Variants in CARNMT1 observed in about 807,000 individuals in gnomAD.
The protein encoded by CARNMT1 is carnosine N-methyltransferase 1.
In CARNMT1, 28 loss-of-function variants were observed where a neutral mutation model predicts 49.6. That is an observed-to-expected ratio of 0.56 (90% confidence interval 0.42 to 0.77). The LOEUF (loss-of-function observed/expected upper bound fraction) is 0.77. Among genes scored for constraint, CARNMT1 ranks in the 30% least tolerant of loss-of-function variants. The pLI is 0.00. For missense variants in CARNMT1, 421 were observed against 512.6 expected, an observed-to-expected ratio of 0.82 and a Z score of 1.73; for synonymous variants, 178 against 175.0, an observed-to-expected ratio of 1.02 and a Z score of -0.13.
chr9:75,027,270 G>C (rs985211101), intron 1 of CARNMT1: 5 of 551,812 alleles, frequency 9.1e-6, no homozygotes, highest in African/African-American at 6.1e-5. Context: ...TTATGAATGA[G>C]GAGCATAAAG....
intron 7 of CARNMT1, among the ~76,000 whole-genome samples, chr9:74,984,527 G>A (rs908758157): frequency 4.1e-4 from 63 of 152,130 alleles, no homozygotes; most frequent in Non-Finnish European, 5.9e-5. Context: ...TGTTTTGAGC[G>A]CCTACATAAT....
intron 3 of CARNMT1, among the ~76,000 whole-genome samples, chr9:75,007,971 G>A (rs533943516): frequency 4.0e-5 from 6 of 151,492 alleles, no homozygotes; most frequent in African/African-American, 1.5e-4. Context: ...AAGATTGCAG[G>A]GTACAAGATC....
chr9:75,020,680 C>A (rs1822320567), intron 1 of CARNMT1, among the ~76,000 whole-genome samples: 1 of 152,200 alleles, frequency 6.6e-6, no homozygotes, highest in African/African-American at 2.4e-5. Context: ...ATTATTCCAA[C>A]TGCCAAACAG....
chr9:75,021,486 A>ATATATC (rs1554759227), intron 1 of CARNMT1, among the ~76,000 whole-genome samples: 376 of 147,718 alleles, frequency 2.5e-3, no homozygotes, highest in African/African-American at 8.7e-3. Context: ...ATATATATAT[A>ATATATC]TCTACTGTTC....
At chr9:75,003,651 A>G (rs886185558) in intron 3 of CARNMT1, among the ~76,000 whole-genome samples, 2 of 152,252 alleles carry the variant, frequency 1.3e-5, no homozygotes, top group Non-Finnish European at 2.9e-5. Flanking sequence ...TAATTTATCA[A>G]AATCTCCTAA....
chr9:75,027,484 A>C, intron 1 of CARNMT1: 1 of 985,404 alleles, frequency 1.0e-6, no homozygotes, highest in South Asian at 4.7e-5. Context: ...CAAAAGTGCA[A>C]GTGCGTTCAC....
chr9:75,018,437 T>C (rs1833913030), intron 1 of CARNMT1, among the ~76,000 whole-genome samples: 1 of 152,152 alleles, frequency 6.6e-6, no homozygotes, highest in Non-Finnish European at 1.5e-5. Context: ...ATGGCCAAAA[T>C]TTAAAATCCT....
intron 1 of CARNMT1, among the ~76,000 whole-genome samples, chr9:75,018,502 A>G (rs780644131): frequency 6.6e-5 from 10 of 152,232 alleles, no homozygotes; most frequent in Non-Finnish European, 1.5e-4. Flanking sequence ...GGACATTTAC[A>G]CACTAATGGT....
intron 1 of CARNMT1, among the ~76,000 whole-genome samples, chr9:75,024,192 C>T (rs1017101923): frequency 1.3e-5 from 2 of 152,200 alleles, no homozygotes; most frequent in African/African-American, 2.4e-5. Flanking sequence ...AAAAACATAA[C>T]TTGTCAGAAA....
chr9:74,988,235 T>C (rs1365489752), intron 6 of CARNMT1, among the ~76,000 whole-genome samples: 1 of 152,002 alleles, frequency 6.6e-6, no homozygotes, highest in Non-Finnish European at 1.5e-5. Flanking sequence ...ATTCTTTTAG[T>C]GGCCATAACA....
chr9:75,027,945 CG>C lies in CARNMT1; in HGVS notation c.230+66del, dbSNP rs1405180436. 1.1e-5 allele frequency: 16 copies of C among 1,465,060 alleles called. No individual in the cohort carries two copies. The Admixed American group carries it at 4.2e-4, about 38-fold the overall frequency. The allele number at this position is 1,465,060 out of a possible 1,614,324, so 90.8% of individuals were successfully genotyped here. A position where few individuals can be genotyped will look rare whatever the true frequency, so the allele number is the denominator to read the frequency against. ...GGCGGGACGGCGAGCGCCCCCGTTC[CG>C]GCGGGTCCGCCGCCACCAGTGGGCG... On this transcript the variant is annotated intron_variant, in intron 1 of 7. Coordinates refer to ENST00000376834, the MANE Select transcript of CARNMT1 (RefSeq NM_152420.3).
At position 74,981,798 on chromosome 9, in the gene CARNMT1, T is replaced by A. The variant is rs1832699155; in HGVS notation, c.*1969A>T. The A allele has an allele frequency of 6.6e-6, 1 of 152,086 alleles. No individual in the cohort carries two copies. The highest frequency in any genetic ancestry group is 2.4e-5 in the African/African-American group (1 of 41,434). 9.4% of individuals were successfully genotyped at this position (152,086 alleles called of 1,614,324 possible). The stretch of plus-strand genomic sequence containing the variant: ...AAAAAAGTGAATACTAGTCAGTGAA[T>A]AAAAAGCATGTCTAAGCCATTGAAA... On this transcript the variant is annotated 3_prime_UTR_variant, in exon 8 of 8. Coordinates refer to ENST00000376834, the MANE Select transcript of CARNMT1 (RefSeq NM_152420.3).
chr9:75,011,293 C>T (rs1833683669), intron 3 of CARNMT1, among the ~76,000 whole-genome samples: 1 of 152,138 alleles, frequency 6.6e-6, no homozygotes, highest in Non-Finnish European at 1.5e-5. Context: ...TCCCACGCTC[C>T]CTACCTCCTG....
rs1247272397 is a variant in CARNMT1, at chr9:74,983,781, G to A, written c.1216C>T (p.Arg406Cys). ...ACTTGAGACCATTATTGTGGCTTAC[G>A]GACCACAAACAAGACACATTCATAG... ...YYYECVLFVV[R>C]KPQ The change falls in exon 8 of 8, where the codon CGT becomes TGT. Residue 406 changes from arginine (R) to cysteine (C), a missense_variant. By Grantham distance (180) the Arg-to-Cys change is radical (BLOSUM62 -3). Around this residue, in one of 2 missense-constraint regions of CARNMT1, gnomAD observed 235 missense variants for 344.8 expected, o/e 0.68. Transcript: ENST00000376834. 9 of 1,599,244 alleles carry A rather than the reference G, an allele frequency of 5.6e-6. No homozygotes were observed. Among genetic ancestry groups the A allele is most frequent in the East Asian group, 2.2e-5 (1 of 44,560 alleles).
chr9:75,027,598 G>A, intron 1 of CARNMT1: 1 of 357,298 alleles, frequency 2.8e-6, no homozygotes, highest in Non-Finnish European at 3.9e-6. Flanking sequence ...GTGAACTTGG[G>A]CTCTCCGTGT....
At chr9:75,013,027 C>A (rs573289729) in intron 3 of CARNMT1, among the ~76,000 whole-genome samples, 1 of 152,246 alleles carries the variant, frequency 6.6e-6, no homozygotes, top group South Asian at 2.1e-4. Flanking sequence ...ACTGATACTT[C>A]TTTTCCTCAA....
intron 5 of CARNMT1, among the ~76,000 whole-genome samples, 173 bp from the exon 6 acceptor site, chr9:74,996,733 G>A (rs943303575): frequency 2.0e-5 from 3 of 152,030 alleles, no homozygotes; most frequent in African/African-American, 7.3e-5. Context: ...TCATTTATGG[G>A]AAATACTGAT....
intron 3 of CARNMT1, among the ~76,000 whole-genome samples, chr9:75,007,742 T>A (rs9410748): frequency 0.45 from 43,468 of 97,200 alleles, 9,674 homozygotes; most frequent in Non-Finnish European, 0.52. Context: ...AAAATAAAAA[T>A]AATAAAAAAA....
chr9:75,016,915 ACT>A (rs1833873180), intron 2 of CARNMT1: 1 of 367,918 alleles, frequency 2.7e-6, no homozygotes, highest in Non-Finnish European at 4.8e-6. Context: ...GATACAAGAC[ACT>A]GAAAAAATAT....
Sources: gnomAD v4.1 joint callset for allele counts (sites outside exome capture counted in the v4.1 genomes callset) on GRCh38, gnomAD v4.1.1 for gene constraint, gnomAD v4.1.1 regional missense constraint, MANE v1.5 for transcripts, NCBI Gene and HGNC (gene_info 2026-07-23, HGNC 2026-07-21) for gene names.